Variants in CCSER2 observed in about 807,000 individuals in gnomAD.
The protein encoded by CCSER2 is serine-rich coiled-coil domain-containing protein 2.
A neutral mutation model predicts 92.3 loss-of-function variants in CCSER2; 46 were observed. That is an observed-to-expected ratio of 0.50 (90% CI 0.39 to 0.64). CCSER2 has a LOEUF of 0.64. CCSER2 is among the 30% of genes least tolerant of loss of function. The pLI is 0.00. For synonymous variants in CCSER2, 433 were observed against 431.4 expected, an observed-to-expected ratio of 1.00 and a Z score of -0.04; for missense variants, 1,244 against 1,238.9, an observed-to-expected ratio of 1.00 and a Z score of -0.06.
rs529640798 is a variant in CCSER2 at position 84,406,923 on chromosome 10, C to G, written c.1615-10848C>G. Among the ~76,000 whole-genome samples the G allele has an allele frequency of 9.2e-5, 14 of 152,134 alleles. No individual in the cohort carries two copies. The South Asian group carries it at 1.2e-3, about 14-fold the overall frequency. On this transcript the variant is annotated intron_variant, in intron 3 of 9. Coordinates refer to ENST00000372088, the MANE Select transcript of CCSER2 (RefSeq NM_001284240.2). ...TTTTTTTTTCTCCTATTACCTGAACCCTTACTCTAATTCTAATGATATCTG... is the reference window on the plus strand; with the variant it reads ...TTTTTTTTTCTCCTATTACCTGAACGCTTACTCTAATTCTAATGATATCTG...
At chr10:84,386,952 G>A (rs1841245883) in intron 3 of CCSER2, among the ~76,000 whole-genome samples, 1 of 152,090 alleles carries the variant, frequency 6.6e-6, no homozygotes, top group Non-Finnish European at 1.5e-5. Flanking sequence ...AGGATGGGTG[G>A]GGGATAAGAG....
chr10:84,408,196 G>A (rs1207786704), intron 3 of CCSER2, among the ~76,000 whole-genome samples: 2 of 151,866 alleles, frequency 1.3e-5, no homozygotes, highest in Non-Finnish European at 2.9e-5. Flanking sequence ...ATGTGATTAC[G>A]TTGTCACATA....
intron 5 of CCSER2, among the ~76,000 whole-genome samples, chr10:84,429,350 C>T (rs189641916): frequency 4.4e-4 from 67 of 152,094 alleles, no homozygotes; most frequent in Non-Finnish European, 8.5e-4. Flanking sequence ...TTGTTCTGTC[C>T]ATTATTGAAA....
At chr10:84,506,937 T>C (rs1404739502) in intron 9 of CCSER2, among the ~76,000 whole-genome samples, 1 of 152,156 alleles carries the variant, frequency 6.6e-6, no homozygotes, top group Non-Finnish European at 1.5e-5. Context: ...TTTAGGTATT[T>C]GGAGTATGAA....
At chr10:84,510,803 C>G (rs1849309574) in intron 9 of CCSER2, among the ~76,000 whole-genome samples, 1 of 152,282 alleles carries the variant, frequency 6.6e-6, no homozygotes, top group East Asian at 1.9e-4. Context: ...TAATTAGCGG[C>G]AATCCAGTCC....
rs181336702 is a variant in CCSER2 at position 84,480,781 on chromosome 10, T to G, written c.2325+3117T>G. 1.3e-4 allele frequency among the ~76,000 whole-genome samples: 20 copies of G among 152,326 alleles called. No homozygotes were observed. In the East Asian group the frequency reaches 3.9e-3, roughly 29 times the overall value. ...GGTCTTCCAGCCTTGTTTGGTGTTG[T>G]GTGTATATGTGTATGTGCCATCTGT... is the stretch of plus-strand genomic sequence containing the variant. On this transcript the variant is annotated intron_variant, in intron 9 of 9. Coordinates refer to ENST00000372088, the MANE Select transcript of CCSER2 (RefSeq NM_001284240.2).
chr10:84,419,953 G>A (rs977549022), intron 4 of CCSER2, among the ~76,000 whole-genome samples: 4 of 152,218 alleles, frequency 2.6e-5, no homozygotes, highest in African/African-American at 9.6e-5. Context: ...CCATTGGAAA[G>A]TTATAGGGGA....
Position 84,371,577 on chromosome 10 carries a change from A to G in CCSER2, c.525A>G (p.Gly175=). ...ATACTCCAAAATCACAGTTGAATGG[A>G]TTTTATGGAAACCGATCAGCTGGTA... ...SINTPKSQLN[G]FYGNRSAGSM... Residue 175 remains glycine, a synonymous_variant, in exon 2 of 10, where the codon GGA becomes GGG. Transcript: ENST00000372088. 6.2e-7 allele frequency: 1 copy of G among 1,613,722 alleles called. No homozygotes were observed. The highest frequency in any genetic ancestry group is 8.5e-7 in the Non-Finnish European group (1 of 1,179,834).
intron 6 of CCSER2, among the ~76,000 whole-genome samples, chr10:84,441,734 ATGTTTTTTTTTTTT>A (rs1844557952): frequency 8.5e-5 from 9 of 106,450 alleles, no homozygotes; most frequent in African/African-American, 1.2e-4. Flanking sequence ...GACTGGGAAA[ATGTTTTTTTTTTTT>A]TTTTTTTTTT....
At chr10:84,354,824 C>T (rs900644087) in intron 1 of CCSER2, among the ~76,000 whole-genome samples, 7 of 151,392 alleles carry the variant, frequency 4.6e-5, no homozygotes, top group Admixed American at 3.9e-4. Flanking sequence ...ATGTTTTTCC[C>T]CAGACATAAT....
At chr10:84,457,437 ATAT>A (rs1474805141) in intron 6 of CCSER2, among the ~76,000 whole-genome samples, 2 of 24,360 alleles carry the variant, frequency 8.2e-5, no homozygotes, top group African/African-American at 1.4e-4. Flanking sequence ...TTATATTTAT[ATAT>A]AAATACATAT....
chr10:84,450,761 T>G (rs1845230143), intron 6 of CCSER2, among the ~76,000 whole-genome samples: 1 of 152,218 alleles, frequency 6.6e-6, no homozygotes, highest in South Asian at 2.1e-4. Context: ...CTACAGATAT[T>G]AAAGTAGTAA....
In CCSER2 at chr10:84,382,856, G is replaced by A. The variant is rs149590589; in HGVS notation, c.1614+9041G>A. ...AGATTCTTGTTCACTTTAAAAGGTAGATCCAAAAACTTACTTGTATGCTTT... is the reference window on the plus strand; with the variant it reads ...AGATTCTTGTTCACTTTAAAAGGTAAATCCAAAAACTTACTTGTATGCTTT... On this transcript the variant is annotated intron_variant, in intron 3 of 9. Coordinates refer to ENST00000372088, the MANE Select transcript of CCSER2 (RefSeq NM_001284240.2). Among the ~76,000 whole-genome samples the A allele has an allele frequency of 5.9e-5, 9 of 152,286 alleles. 1 individual carries two copies. Among genetic ancestry groups the A allele is most frequent in the African/African-American group, 1.7e-4 (7 of 41,562 alleles).
chr10:84,449,466 T>A (rs1201019832), intron 6 of CCSER2, among the ~76,000 whole-genome samples: 1 of 152,210 alleles, frequency 6.6e-6, no homozygotes, highest in Non-Finnish European at 1.5e-5. Flanking sequence ...TTGCTTAAAC[T>A]CTCTGTGCTG....
At chr10:84,511,199 A>G (rs976254767) in intron 9 of CCSER2, among the ~76,000 whole-genome samples, 2 of 152,182 alleles carry the variant, frequency 1.3e-5, no homozygotes, top group Non-Finnish European at 2.9e-5. Context: ...GATGTTTTCT[A>G]ATTCATTAAT....
intron 1 of CCSER2, among the ~76,000 whole-genome samples, chr10:84,337,406 A>G (rs867410953): frequency 1.3e-5 from 2 of 152,212 alleles, no homozygotes; most frequent in Non-Finnish European, 2.9e-5. Context: ...GTCAGATGCT[A>G]TTAGATTGAG....
Position 84,388,292 on chromosome 10 carries a change from T to C in CCSER2, c.1614+14477T>C, listed in dbSNP as rs556106452. On this transcript the variant is annotated intron_variant, in intron 3 of 9. Transcript: ENST00000372088. ...TATTGCTTTGGGTTAGAATAAAGTCTCAAAGTTTGGTTTGTGATCCATAAG... is the reference window on the plus strand; with the variant it reads ...TATTGCTTTGGGTTAGAATAAAGTCCCAAAGTTTGGTTTGTGATCCATAAG... 4.6e-5 allele frequency among the ~76,000 whole-genome samples: 7 copies of C among 152,342 alleles called. No homozygotes were observed. The South Asian group carries it at 1.5e-3, about 32-fold the overall frequency.
At chr10:84,482,298 G>A (rs1368825351) in intron 9 of CCSER2, among the ~76,000 whole-genome samples, 1 of 152,174 alleles carries the variant, frequency 6.6e-6, no homozygotes, top group African/African-American at 2.4e-5. Flanking sequence ...GGTGAAATGA[G>A]TAACGCGAAA....
chr10:84,367,666 T>A (rs1589456825), intron 1 of CCSER2, among the ~76,000 whole-genome samples: 1 of 152,168 alleles, frequency 6.6e-6, no homozygotes, highest in East Asian at 1.9e-4. Context: ...CTTAAGATTT[T>A]TCTCCTTGCC....
Sources: allele counts gnomAD v4.1 joint callset (sites outside exome capture counted in the v4.1 genomes callset), GRCh38; gene constraint gnomAD v4.1.1; transcripts MANE v1.5; gene names NCBI Gene and HGNC (gene_info 2026-07-23, HGNC 2026-07-21).